RGS6: variants seen among roughly 807,000 people sequenced by gnomAD.
The protein encoded by RGS6 is regulator of G-protein signaling 6.
In RGS6, 30 loss-of-function variants were observed where a neutral mutation model predicts 78.5. The observed-to-expected ratio is 0.38, with a 90% confidence interval of 0.29 to 0.52. The LOEUF (loss-of-function observed/expected upper bound fraction) is 0.52, where lower values mean the gene tolerates loss of function less well. Ranked by LOEUF, RGS6 falls within the 20% of genes least tolerant of loss-of-function variation. The pLI is 0.85. For missense variants in RGS6, 495 were observed against 609.7 expected (o/e 0.81, Z 1.98); for synonymous variants, 206 against 206.0 (o/e 1.00, Z 0.00).
At chr14:72,322,172 AAAAT>A (rs1275834902) in intron 2 of RGS6, among the ~76,000 whole-genome samples, 3 of 152,050 alleles carry the variant, frequency 2.0e-5, no homozygotes, top group Non-Finnish European at 2.9e-5. Context: ...AAATATAAGA[AAAAT>A]AAAGTTAACC....
chr14:71,887,115 T>C, the RGS6 span, among the ~76,000 whole-genome samples: 1 of 152,234 alleles, frequency 6.6e-6, no homozygotes, highest in African/African-American at 2.4e-5. Context: ...CAGAGGAACG[T>C]AAATTGTGAA....
rs141515784 is a variant in RGS6 at position 72,409,618 on chromosome 14, G to T, written c.185-44910G>T. ...TAGGGTACATGTGCACAATGTGCAG[G>T]TTTGTTACATATGTATACATGGCCA... is the stretch of plus-strand genomic sequence containing the variant. On this transcript the variant is annotated intron_variant, in intron 3 of 17. Coordinates refer to ENST00000553525, the MANE Select transcript of RGS6 (RefSeq NM_001204424.2). 6.9e-3 allele frequency among the ~76,000 whole-genome samples: 1,044 copies of T among 151,852 alleles called. 9 individuals carry two copies. The highest frequency in any genetic ancestry group is 0.024 in the African/African-American group (989 of 41,352).
chr14:72,181,618 A>C (rs1450408435), intron 2 of RGS6, among the ~76,000 whole-genome samples: 2 of 152,190 alleles, frequency 1.3e-5, no homozygotes, highest in East Asian at 3.8e-4. Flanking sequence ...ACTGATTTGC[A>C]CTGTATGGAG....
chr14:72,501,700 G>A (rs1479819065), intron 13 of RGS6, among the ~76,000 whole-genome samples: 1 of 152,204 alleles, frequency 6.6e-6, no homozygotes, highest in Non-Finnish European at 1.5e-5. Flanking sequence ...CTAACTAGAT[G>A]CTGGAGTCTA....
chr14:72,081,258 T>TTA (rs2094812158), intron 2 of RGS6, among the ~76,000 whole-genome samples: 1 of 152,088 alleles, frequency 6.6e-6, no homozygotes, highest in Admixed American at 6.5e-5. Flanking sequence ...AGTACTTTAT[T>TTA]TATTTATTTT....
intron 2 of RGS6, among the ~76,000 whole-genome samples, chr14:72,212,998 A>G (rs2044560953): frequency 6.6e-6 from 1 of 152,172 alleles, no homozygotes; most frequent in Non-Finnish European, 1.5e-5. Flanking sequence ...CACCAGTTGT[A>G]TTGCATTACC....
chr14:72,214,229 G>A (rs912260126), intron 2 of RGS6, among the ~76,000 whole-genome samples: 52 of 149,322 alleles, frequency 3.5e-4, no homozygotes, highest in Non-Finnish European at 5.6e-4. Context: ...AGGCTGGAGA[G>A]CAGTGGGTGC....
At chr14:72,020,336 C>G (rs2052015) in intron 2 of RGS6, among the ~76,000 whole-genome samples, 1 of 152,094 alleles carries the variant, frequency 6.6e-6, no homozygotes, top group African/African-American at 2.4e-5. Flanking sequence ...GACCAAGTGC[C>G]TTTCTTTTCT....
intron 2 of RGS6, among the ~76,000 whole-genome samples, chr14:71,981,567 C>G (rs4899411): frequency 6.8e-6 from 1 of 147,994 alleles, no homozygotes; most frequent in Non-Finnish European, 1.5e-5. Flanking sequence ...CCAGTTAGGC[C>G]GCTCGGGGGT....
chr14:72,107,137 C>T (rs1194012784), intron 2 of RGS6, among the ~76,000 whole-genome samples: 1 of 151,982 alleles, frequency 6.6e-6, no homozygotes, highest in Non-Finnish European at 1.5e-5. Context: ...AGATTTCACA[C>T]TTGAAAAGCC....
chr14:71,884,570 A>C, the RGS6 span, among the ~76,000 whole-genome samples: 1 of 152,132 alleles, frequency 6.6e-6, no homozygotes, highest in Admixed American at 6.5e-5. Context: ...AGTAAGAGGG[A>C]GAAGAGTCAA....
intron 1 of RGS6, among the ~76,000 whole-genome samples, chr14:71,950,009 A>T (rs372243038): frequency 8.5e-5 from 13 of 152,200 alleles, no homozygotes; most frequent in African/African-American, 2.9e-4. Context: ...TTTCTAGTCC[A>T]TTCCATTTTT....
chr14:72,460,477 G>A (rs1437906325), intron 6 of RGS6, among the ~76,000 whole-genome samples: 1 of 152,182 alleles, frequency 6.6e-6, no homozygotes, highest in African/African-American at 2.4e-5. Flanking sequence ...CAGAATTAGT[G>A]CTCAGTAAAT....
At chr14:72,489,765 T>G (rs2096553451) in intron 12 of RGS6, among the ~76,000 whole-genome samples, 3 of 151,674 alleles carry the variant, frequency 2.0e-5, no homozygotes, top group African/African-American at 7.3e-5. Flanking sequence ...CGAGGTGAAA[T>G]TATCCCCTAG....
rs111371411 is a variant in RGS6, at chr14:72,023,565, C to T, written c.84+58690C>T. ...GGCAACTGGAACGTTTCTCTTAATC[C>T]ACTGTCCCTCACTTACCTGCTTGGC... On this transcript the variant is annotated intron_variant, in intron 2 of 17. Coordinates refer to ENST00000553525, the MANE Select transcript of RGS6 (RefSeq NM_001204424.2). 6.3e-3 allele frequency among the ~76,000 whole-genome samples: 960 copies of T among 152,312 alleles called. 9 individuals are homozygous for T. The highest frequency in any genetic ancestry group is 0.022 in the African/African-American group (925 of 41,562).
At chr14:72,107,528 C>G (rs1195157125) in intron 2 of RGS6, among the ~76,000 whole-genome samples, 1 of 152,170 alleles carries the variant, frequency 6.6e-6, no homozygotes, top group Non-Finnish European at 1.5e-5. Flanking sequence ...GTCAAAACCA[C>G]AAACCAGATT....
chr14:72,541,457 C>T (rs1367033325), intron 17 of RGS6: 9 of 1,535,226 alleles, frequency 5.9e-6, no homozygotes, highest in Admixed American at 3.9e-5. Context: ...GGCCTTTCCT[C>T]ATGAGAAATC....
chr14:72,342,079 G>A (rs1284837761), intron 2 of RGS6, among the ~76,000 whole-genome samples: 3 of 152,154 alleles, frequency 2.0e-5, no homozygotes, highest in Admixed American at 2.0e-4. Flanking sequence ...AAGGCCTTAT[G>A]TTCAAATATG....
At chr14:72,163,394 A>G (rs2096879720) in intron 2 of RGS6, among the ~76,000 whole-genome samples, 1 of 152,248 alleles carries the variant, frequency 6.6e-6, no homozygotes, top group Non-Finnish European at 1.5e-5. Context: ...AGTCACAGTC[A>G]ACCAGTGATG....
Sources: gnomAD v4.1 joint callset for allele counts (sites outside exome capture counted in the v4.1 genomes callset) on GRCh38, gnomAD v4.1.1 for gene constraint, MANE v1.5 for transcripts, NCBI Gene and HGNC (gene_info 2026-07-23, HGNC 2026-07-21) for gene names.